The following AP3B1 variants were observed in gnomAD, a reference collection of about 807,000 sequenced individuals.
AP3B1 encodes AP-3 complex subunit beta-1.
Under a neutral mutation model 132.5 loss-of-function variants are expected in AP3B1, and 61 were observed. The observed-to-expected ratio is 0.46, with a 90% CI of 0.37 to 0.57. The LOEUF (loss-of-function observed/expected upper bound fraction) is 0.57. AP3B1 is among the 20% of genes least tolerant of loss of function. The pLI is 0.00. For missense variants in AP3B1, 1,120 were observed against 1,289.4 expected, an observed-to-expected ratio of 0.87 and a Z score of 2.01; for synonymous variants, 388 against 438.3, an observed-to-expected ratio of 0.89 and a Z score of 1.43.
chr5:78,146,165 T>C (rs531504826), intron 14 of AP3B1, among the ~76,000 whole-genome samples: 3 of 152,336 alleles, frequency 2.0e-5, no homozygotes, highest in African/African-American at 7.2e-5. Flanking sequence ...ACTGCTTTTA[T>C]TTCCACATGG....
intron 24 of AP3B1, among the ~76,000 whole-genome samples, chr5:78,030,274 A>T (rs1467548804): frequency 6.6e-6 from 1 of 152,148 alleles, no homozygotes; most frequent in Non-Finnish European, 1.5e-5. Context: ...AGTAGCTGGG[A>T]CTACAGGCAT....
rs150765181 is a variant in AP3B1, at chr5:78,089,398, T to C, written c.2572A>G (p.Ile858Val). 116 of 1,605,472 alleles carry C rather than the reference T, an allele frequency of 7.2e-5. No individual in the cohort carries two copies. The highest frequency in any genetic ancestry group is 8.7e-5 in the Non-Finnish European group (102 of 1,172,440). Residue 858 changes from isoleucine (I) to valine (V), a missense_variant, in exon 22 of 27, where the codon ATC becomes GTC. By Grantham distance (29) the Ile-to-Val change is conservative (BLOSUM62 3). Around this residue, in one of 3 missense-constraint regions of AP3B1, gnomAD observed 906 missense variants for 997.1 expected, o/e 0.91. Coordinates refer to ENST00000255194, the MANE Select transcript of AP3B1 (RefSeq NM_003664.5). The part of the protein sequence containing the change: ...GLHLSTSSSV[I>V]SVSTPAFVPT... ...GGATTTTAAAAATAACTTACACTGATGACTGAAGAGGAAGTTGACAAGTGT... is the reference window on the plus strand; with the variant it reads ...GGATTTTAAAAATAACTTACACTGACGACTGAAGAGGAAGTTGACAAGTGT...
In AP3B1 at chr5:78,253,892, G is replaced by A. The variant is rs565869595; in HGVS notation, c.205-12956C>T. ...TGAGGCAGGAGAATGGCATGAACCC[G>A]GGAGGCGGAGCTTGCAGATCATGCC... On this transcript the variant is annotated intron_variant, in intron 2 of 26. Transcript: ENST00000255194. Among the ~76,000 whole-genome samples, 164 of 151,208 alleles carry A rather than the reference G, an allele frequency of 1.1e-3. 2 individuals are homozygous for A. The East Asian group carries it at 0.013, about 12-fold the overall frequency.
At chr5:78,242,185 C>CTAA (rs1268901710) in intron 2 of AP3B1, among the ~76,000 whole-genome samples, 4 of 152,220 alleles carry the variant, frequency 2.6e-5, no homozygotes, top group Admixed American at 2.0e-4. Context: ...ACAATGTGCA[C>CTAA]TAACATCTGT....
At chr5:78,273,903 C>T (rs1382164201) in intron 1 of AP3B1, among the ~76,000 whole-genome samples, 5 of 151,808 alleles carry the variant, frequency 3.3e-5, no homozygotes, top group Admixed American at 3.3e-4. Context: ...AAACCCAGCC[C>T]TGTATGGAAG....
chr5:78,086,490 C>CT (rs1215672401), intron 22 of AP3B1, among the ~76,000 whole-genome samples: 7 of 152,176 alleles, frequency 4.6e-5, no homozygotes, highest in African/African-American at 9.7e-5. Context: ...CCCGAAGTCT[C>CT]TAATTTGTAA....
intron 12 of AP3B1, among the ~76,000 whole-genome samples, chr5:78,163,741 T>C (rs982237241): frequency 1.3e-5 from 2 of 151,234 alleles, no homozygotes; most frequent in Non-Finnish European, 3.0e-5. Context: ...TAAAATATCT[T>C]TATAAATTTT....
At chr5:78,207,245 G>C (rs192070453) in intron 7 of AP3B1, among the ~76,000 whole-genome samples, 23 of 131,986 alleles carry the variant, frequency 1.7e-4, no homozygotes, top group African/African-American at 6.4e-4. Flanking sequence ...GTGACAGAAC[G>C]AGACTCAGTG....
chr5:78,106,205 C>G (rs899754013), intron 20 of AP3B1, among the ~76,000 whole-genome samples: 2 of 152,132 alleles, frequency 1.3e-5, no homozygotes, highest in African/African-American at 4.8e-5. Context: ...TGCCTGTAAT[C>G]CCAGCACTTT....
At chr5:78,139,238 A>AT (rs1753045636) in intron 15 of AP3B1, among the ~76,000 whole-genome samples, 1 of 152,196 alleles carries the variant, frequency 6.6e-6, no homozygotes, top group African/African-American at 2.4e-5. Context: ...TACTTTAACA[A>AT]TAATCCATAA....
intron 2 of AP3B1, among the ~76,000 whole-genome samples, chr5:78,258,801 C>T (rs779734908): frequency 2.6e-5 from 4 of 152,082 alleles, no homozygotes; most frequent in Admixed American, 6.5e-5. Flanking sequence ...TAAGTGTCCA[C>T]CAACAGACAA....
intron 22 of AP3B1, among the ~76,000 whole-genome samples, chr5:78,079,881 G>C (rs1749914750): frequency 6.6e-6 from 1 of 152,286 alleles, no homozygotes; most frequent in South Asian, 2.1e-4. Flanking sequence ...CCAGAATTTG[G>C]ATTTGGTGTT....
chr5:78,170,963 T>C (rs1477257085), intron 11 of AP3B1, among the ~76,000 whole-genome samples: 1 of 152,230 alleles, frequency 6.6e-6, no homozygotes, highest in Non-Finnish European at 1.5e-5. Flanking sequence ...GCTAGCCAGT[T>C]TTCCCAGCAC....
chr5:78,066,278 C>T (rs1054522993), intron 22 of AP3B1, among the ~76,000 whole-genome samples: 8 of 152,162 alleles, frequency 5.3e-5, no homozygotes, highest in Admixed American at 1.3e-4. Flanking sequence ...ACCACAACAC[C>T]TCTCCAGCAA....
chr5:78,246,112 G>A (rs1747369591), intron 2 of AP3B1, among the ~76,000 whole-genome samples: 1 of 152,176 alleles, frequency 6.6e-6, no homozygotes, highest in Admixed American at 6.5e-5. Context: ...GAATTCCAGA[G>A]TGCCCCAAAG....
At chr5:78,177,242 T>C in intron 9 of AP3B1, 97 bp downstream of exon 9, 1 of 789,302 alleles carries the variant, frequency 1.3e-6, no homozygotes, top group South Asian at 1.6e-5. Flanking sequence ...TAAAATATAG[T>C]CAGAGTTATA....
intron 22 of AP3B1, among the ~76,000 whole-genome samples, chr5:78,039,580 C>T (rs1429511798): frequency 6.6e-6 from 1 of 151,968 alleles, no homozygotes; most frequent in Non-Finnish European, 1.5e-5. Flanking sequence ...TCCAGACCAT[C>T]CTCGCTAACA....
At chr5:78,198,404 G>T (rs1230763854) in intron 7 of AP3B1, among the ~76,000 whole-genome samples, 1 of 152,148 alleles carries the variant, frequency 6.6e-6, no homozygotes, top group Non-Finnish European at 1.5e-5. Context: ...GGGCTGAAAA[G>T]TCCAAGATCA....
intron 20 of AP3B1, chr5:78,101,411 T>G (rs1203357752): frequency 2.4e-6 from 1 of 416,038 alleles, no homozygotes; most frequent in Non-Finnish European, 4.7e-6. Context: ...AAATAACATA[T>G]GCATAGCTCA....
Sources: allele counts gnomAD v4.1 joint callset (sites outside exome capture counted in the v4.1 genomes callset), GRCh38; gene constraint gnomAD v4.1.1; regional missense constraint gnomAD v4.1.1; transcripts MANE v1.5; gene names NCBI Gene and HGNC (gene_info 2026-07-23, HGNC 2026-07-21).